The following MYO1F variants were observed in gnomAD, a reference collection of about 807,000 sequenced individuals.
MYO1F encodes unconventional myosin-If.
Under a neutral mutation model 146.6 loss-of-function variants are expected in MYO1F, and 60 were observed. The observed-to-expected ratio is 0.41, with a 90% CI of 0.33 to 0.51. MYO1F has a LOEUF of 0.51. Among genes scored for constraint, MYO1F ranks in the 20% least tolerant of loss-of-function variants. MYO1F has a pLI of 0.25. For synonymous variants in MYO1F, 602 were observed against 602.1 expected (o/e 1.00, Z 0.00); for missense variants, 1,274 against 1,534.3 (o/e 0.83, Z 2.83).
intron 5 of MYO1F, 23 bp downstream of exon 5, chr19:8,553,327 T>C: frequency 6.2e-7 from 1 of 1,613,288 alleles, no homozygotes; most frequent in Non-Finnish European, 8.5e-7. Context: ...ACCCAGCTTA[T>C]CCTTCTGTTT....
At position 8,521,177 on chromosome 19, in the gene MYO1F, C is replaced by A. The variant is rs186103433; in HGVS notation, c.*351G>T. On this transcript the variant is annotated 3_prime_UTR_variant, in exon 28 of 28. Transcript: ENST00000644032. ...TGAGCAAAGTCACGCTTGTTAAGGA[C>A]CCCCCCCTCCCCAACTGTGCCTGGC... The A allele has an allele frequency of 4.3e-5, 15 of 352,600 alleles. No homozygotes were observed. The highest frequency in any genetic ancestry group is 7.6e-5 in the Non-Finnish European group (14 of 183,938). The allele number at this position is 352,600 out of a possible 1,614,324, so 21.8% of individuals were successfully genotyped here.
At chr19:8,546,666 GTCTC>G (rs1318818984) in intron 12 of MYO1F, among the ~76,000 whole-genome samples, 1 of 151,502 alleles carries the variant, frequency 6.6e-6, no homozygotes, top group African/African-American at 2.4e-5. Context: ...GGCTCGGTCT[GTCTC>G]TCTCTTTTTT....
In MYO1F at chr19:8,563,876, G is replaced by A. The variant is rs552252661; in HGVS notation, c.4-8080C>T. On this transcript the variant is annotated intron_variant, in intron 1 of 27. Transcript: ENST00000644032. Reference sequence around the variant, plus strand: ...ACTCCTAGCCTCAGGTGATCCACCCGCCTTGGCTTCTCAAAGTGCTGAGAT... The same window carrying A: ...ACTCCTAGCCTCAGGTGATCCACCCACCTTGGCTTCTCAAAGTGCTGAGAT... Among the ~76,000 whole-genome samples, 37 of 151,994 alleles carry A rather than the reference G, an allele frequency of 2.4e-4. 2 individuals are homozygous for A. The South Asian group carries it at 6.7e-3, about 27-fold the overall frequency.
Position 8,521,454 on chromosome 19 carries a change from G to T in MYO1F, c.*74C>A. ...GCCCAGGTAAACGAGGCTCTCATTG[G>T]CAGGGCCTGGCTCCCCACCAGGCCG... is the stretch of plus-strand genomic sequence containing the variant. On this transcript the variant is annotated 3_prime_UTR_variant, in exon 28 of 28. Coordinates refer to ENST00000644032, the MANE Select transcript of MYO1F (RefSeq NM_012335.4). 1 of 1,496,440 alleles carries T rather than the reference G, an allele frequency of 6.7e-7. No individual in the cohort carries two copies. The highest frequency in any genetic ancestry group is 9.3e-7 in the Non-Finnish European group (1 of 1,079,126). 92.7% of individuals were successfully genotyped at this position (1,496,440 alleles called of 1,614,324 possible).
Position 8,530,704 on chromosome 19 carries a change from T to A in MYO1F, c.2044-131A>T. On this transcript the variant is annotated intron_variant, in intron 19 of 27. Coordinates refer to ENST00000644032, the MANE Select transcript of MYO1F (RefSeq NM_012335.4). The surrounding 1 kb of genome is among the most constrained non-coding windows in gnomAD (Gnocchi z 5.8). ...ATCCCCACACATGTGCTAATTTTTT[T>A]AAGAGGCGGGGTCTTTCTAGTGACA... 2.7e-6 allele frequency: 2 copies of A among 732,274 alleles called. No individual in the cohort carries two copies. The highest frequency in any genetic ancestry group is 4.7e-6 in the Non-Finnish European group (2 of 422,498). 45.4% of individuals were successfully genotyped at this position (732,274 alleles called of 1,614,324 possible).
intron 1 of MYO1F, among the ~76,000 whole-genome samples, chr19:8,567,065 T>A (rs1019442187): frequency 6.7e-6 from 1 of 149,766 alleles, no homozygotes; most frequent in African/African-American, 2.5e-5. Flanking sequence ...CCAATTTTTT[T>A]TTTTTTTTTT....
chr19:8,576,901 G>A, intron 1 of MYO1F: 1 of 305,620 alleles, frequency 3.3e-6, no homozygotes, highest in South Asian at 3.9e-5. Context: ...ACATCTGTGG[G>A]AACCGGGGCC....
chr19:8,539,581 G>A (rs1568344254), intron 16 of MYO1F, among the ~76,000 whole-genome samples: 2 of 145,010 alleles, frequency 1.4e-5, no homozygotes, highest in African/African-American at 5.6e-5. Flanking sequence ...GGGTGACAGA[G>A]CAAGACTCTG....
At chr19:8,561,617 CTT>C (rs1197541350) in intron 1 of MYO1F, among the ~76,000 whole-genome samples, 1 of 133,590 alleles carries the variant, frequency 7.5e-6, no homozygotes, top group Non-Finnish European at 1.5e-5. Context: ...TTCTTTCTCT[CTT>C]TCTTTCTTCT....
At chr19:8,565,852 G>T (rs2041992884) in intron 1 of MYO1F, among the ~76,000 whole-genome samples, 1 of 152,016 alleles carries the variant, frequency 6.6e-6, no homozygotes, top group Non-Finnish European at 1.5e-5. Context: ...ACTTTGGGAG[G>T]CTGAGGTGGA....
chr19:8,574,530 CCTTTCTTTCTTTCTTTCTTT>C (rs1183292416), intron 1 of MYO1F, among the ~76,000 whole-genome samples: 1 of 118,994 alleles, frequency 8.4e-6, no homozygotes, highest in African/African-American at 3.3e-5. Flanking sequence ...TTCTTTTTTC[CCTTTCTTTCTTTCTTTCTTT>C]CTTTCTTTCT....
intron 15 of MYO1F, chr19:8,540,473 G>T (rs1972914201): frequency 6.6e-6 from 1 of 152,310 alleles, no homozygotes; most frequent in African/African-American, 2.4e-5. Flanking sequence ...ACTTTGGGAG[G>T]CTGAGGCAGG....
chr19:8,526,590 CG>C lies in MYO1F; in HGVS notation c.2632del (p.Arg878GlyfsTer2). On this transcript the variant is annotated frameshift_variant, in exon 24 of 28. Coordinates refer to ENST00000644032, the MANE Select transcript of MYO1F (RefSeq NM_012335.4). LOFTEE classifies it high-confidence loss of function. ...PLTFSDTLQF[R>X]VKKEGWGGGG... Reference sequence around the variant, plus strand: ...ACCGCCCCAGCCCTCCTTCTTCACCCGAAACTGTAGTCTATGGGGAGAGAAG... The same window carrying C: ...ACCGCCCCAGCCCTCCTTCTTCACCCAAACTGTAGTCTATGGGGAGAGAAG... 6.3e-7 allele frequency: 1 copy of C among 1,596,640 alleles called. No homozygotes were observed. The highest frequency in any genetic ancestry group is 2.3e-5 in the East Asian group (1 of 44,252).
chr19:8,568,436 A>AAAACAAAC, intron 1 of MYO1F, among the ~76,000 whole-genome samples: 1 of 151,262 alleles, frequency 6.6e-6, no homozygotes, highest in African/African-American at 2.4e-5. Flanking sequence ...AAAAAAAAAA[A>AAAACAAAC]AAAAAAAAAT....
chr19:8,527,658 G>C (rs1293093032), intron 21 of MYO1F, among the ~76,000 whole-genome samples, 175 bp from the exon 22 acceptor site: 1 of 152,182 alleles, frequency 6.6e-6, no homozygotes, highest in Admixed American at 6.5e-5. Context: ...TGTCGCTCAG[G>C]CTGGAGTGCA....
rs1158168608 is a variant in MYO1F at position 8,538,328 on chromosome 19, T to A, written c.1693-1273A>T. Among the ~76,000 whole-genome samples, 4 of 150,338 alleles carry A rather than the reference T, an allele frequency of 2.7e-5. No individual in the cohort carries two copies. The East Asian group carries it at 7.9e-4, about 30-fold the overall frequency. On this transcript the variant is annotated intron_variant, in intron 16 of 27. Coordinates refer to ENST00000644032, the MANE Select transcript of MYO1F (RefSeq NM_012335.4). ...TAATTTATCTGAGACAGGGTCTTGC[T>A]CTGTCATCCAGGCTGGAGTGCAGTG...
chr19:8,534,166 G>A (rs190161519), intron 19 of MYO1F, among the ~76,000 whole-genome samples: 3,132 of 146,704 alleles, frequency 0.021, 112 homozygotes, highest in African/African-American at 0.074. Flanking sequence ...GTGACAGAGC[G>A]AGACTCTGTC....
rs1243716962 is a variant in MYO1F at position 8,544,358 on chromosome 19, C to T, written c.1463G>A (p.Gly488Glu). Residue 488 changes from glycine (G) to glutamate (E), a missense_variant, in exon 14 of 28, where the codon GGG becomes GAG. Gly to Glu is a moderately conservative substitution (Grantham distance 98, BLOSUM62 -2). Transcript: ENST00000644032. Reference sequence around the variant, plus strand: ...CCAGCTGTTGAAATGCTCGTGGGTCCCCACAGCCGCCTGCAGCTTCTGCAG... The same window carrying T: ...CCAGCTGTTGAAATGCTCGTGGGTCTCCACAGCCGCCTGCAGCTTCTGCAG... ...TLLQKLQAAV[G>E]THEHFNSWSA... is the part of the protein sequence containing the mutation. The T allele has an allele frequency of 6.2e-7, 1 of 1,612,944 alleles. No homozygotes were observed. The highest frequency in any genetic ancestry group is 8.5e-7 in the Non-Finnish European group (1 of 1,179,826).
In MYO1F at chr19:8,526,336, A is replaced by G. The variant is rs569580439; in HGVS notation, c.2770+117T>C. 2.2e-4 allele frequency: 329 copies of G among 1,468,474 alleles called. No homozygotes were observed. In the African/African-American group the frequency reaches 4.1e-3, roughly 18 times the overall value. The allele number at this position is 1,468,474 out of a possible 1,614,324, so 91.0% of individuals were successfully genotyped here. On this transcript the variant is annotated intron_variant, in intron 24 of 27. Coordinates refer to ENST00000644032, the MANE Select transcript of MYO1F (RefSeq NM_012335.4). Reference sequence around the variant, plus strand: ...AGTGAGACTCCGTCTTAAAAAAACCACAAAACTCAAAAGTCTCTCTCTCTC... The same window carrying G: ...AGTGAGACTCCGTCTTAAAAAAACCGCAAAACTCAAAAGTCTCTCTCTCTC...
Sources: gnomAD v4.1 joint callset for allele counts (sites outside exome capture counted in the v4.1 genomes callset) on GRCh38, gnomAD v4.1.1 for gene constraint, Gnocchi (gnomAD v3.1) non-coding constraint, MANE v1.5 for transcripts, NCBI Gene and HGNC (gene_info 2026-07-23, HGNC 2026-07-21) for gene names.